The following TMX4 variants were observed in gnomAD, a reference collection of about 807,000 sequenced individuals.
The protein encoded by TMX4 is thioredoxin-related transmembrane protein 4.
Under a neutral mutation model 33.3 loss-of-function variants are expected in TMX4, and 23 were observed. That is an observed-to-expected ratio of 0.69 (90% CI 0.50 to 0.98). The LOEUF is 0.98. TMX4 is among the 50% of genes least tolerant of loss of function. The probability of loss-of-function intolerance (pLI) is 0.00; values close to 1 mark genes in which losing one functional copy is unlikely to be tolerated. For synonymous variants in TMX4, 164 were observed against 161.5 expected, an observed-to-expected ratio of 1.02 and a Z score of -0.12; for missense variants, 399 against 448.9, an observed-to-expected ratio of 0.89 and a Z score of 1.01.
At chr20:7,997,742 T>C (rs76354346) in intron 4 of TMX4, among the ~76,000 whole-genome samples, 2,081 of 152,334 alleles carry the variant, frequency 0.014, 54 homozygotes, top group East Asian at 0.064. Context: ...AAAAGGCACC[T>C]CTCTGCGCAA....
At position 7,993,000 on chromosome 20, in the gene TMX4, G is replaced by A. The variant is rs183340275; in HGVS notation, c.513+3026C>T. On this transcript the variant is annotated intron_variant, in intron 5 of 7. Transcript: ENST00000246024. ...CATTTTCCTATATACACACAAAAAC[G>A]CCATATAAACATCCATTATACTGTT... Among the ~76,000 whole-genome samples, 991 of 152,210 alleles carry A rather than the reference G, an allele frequency of 6.5e-3. 7 individuals are homozygous for A. The highest frequency in any genetic ancestry group is 8.6e-3 in the Non-Finnish European group (582 of 68,000).
rs990818786 is a variant in TMX4, at chr20:7,980,339, G to A, written c.*1912C>T. 1 of 152,174 alleles carries A rather than the reference G, an allele frequency of 6.6e-6. No homozygotes were observed. Among genetic ancestry groups the A allele is most frequent in the Non-Finnish European group, 1.5e-5 (1 of 68,040 alleles). 9.4% of individuals were successfully genotyped at this position (152,174 alleles called of 1,614,324 possible). A position where few individuals can be genotyped will look rare whatever the true frequency, so the allele number is the denominator to read the frequency against. On this transcript the variant is annotated 3_prime_UTR_variant, in exon 8 of 8. Transcript: ENST00000246024. ...TCTGAACCTGAGTTTACTGTTCTTT[G>A]AGAACTCTGTTTCAGCTGATTATAA...
chr20:7,997,227 C>G (rs908924704), intron 4 of TMX4, among the ~76,000 whole-genome samples: 1 of 152,006 alleles, frequency 6.6e-6, no homozygotes, highest in Non-Finnish European at 1.5e-5. Flanking sequence ...TAGGTGTTCC[C>G]CTCACCTCAA....
chr20:7,999,744 G>T lies in TMX4; in HGVS notation c.455C>A (p.Pro152Gln). 2 of 1,610,412 alleles carry T rather than the reference G, an allele frequency of 1.2e-6. No homozygotes were observed. Among genetic ancestry groups the T allele is most frequent in the African/African-American group, 1.3e-5 (1 of 74,770 alleles). ...AAAATTGAGTTACGTTAGAGAAGCC[G>T]GGGATTTCCAGCCAGTCAGAGGCTC... ...SVEPLTGWKS[P>Q]ASLTMSGMAG... Residue 152 changes from proline to glutamine, a missense_variant, in exon 4 of 8, where the codon CCG (proline) becomes CAG (glutamine). Pro to Gln is a moderately conservative substitution (Grantham distance 76). Coordinates refer to ENST00000246024, the MANE Select transcript of TMX4 (RefSeq NM_021156.4).
chr20:8,013,006 T>A (rs934922373), intron 1 of TMX4, among the ~76,000 whole-genome samples: 5 of 152,156 alleles, frequency 3.3e-5, no homozygotes, highest in South Asian at 2.1e-4. Flanking sequence ...GTTTTTAAAG[T>A]TTTTAATATT....
intron 1 of TMX4, among the ~76,000 whole-genome samples, chr20:8,011,660 A>C (rs1456154898): frequency 6.6e-6 from 1 of 152,142 alleles, no homozygotes; most frequent in African/African-American, 2.4e-5. Flanking sequence ...AATTAGGCAG[A>C]ACCCAGAAGA....
At chr20:7,998,541 G>GTGCTGATC (rs2050687231) in intron 4 of TMX4, among the ~76,000 whole-genome samples, 1 of 152,058 alleles carries the variant, frequency 6.6e-6, no homozygotes, top group Admixed American at 6.5e-5. Flanking sequence ...CTCCTTGTGT[G>GTGCTGATC]TGCTGATCAC....
Position 7,978,218 on chromosome 20 carries a change from T to TA in TMX4, c.*4032dup, listed in dbSNP as rs2050588725. On this transcript the variant is annotated 3_prime_UTR_variant, in exon 8 of 8. Transcript: ENST00000246024. ...ATGAGGGACACAGATAACCTATTGA[T>TA]ACGAGCAACAGAACCAGCCTCCCTC... 2.0e-5 allele frequency: 3 copies of TA among 152,352 alleles called. No homozygotes were observed. The highest frequency in any genetic ancestry group is 1.5e-5 in the Non-Finnish European group (1 of 68,030). The allele number at this position is 152,352 out of a possible 1,614,324, so 9.4% of individuals were successfully genotyped here. A position where few individuals can be genotyped will look rare whatever the true frequency, so the allele number is the denominator to read the frequency against.
Position 7,977,907 on chromosome 20 carries a change from T to G in TMX4, c.*4344A>C, listed in dbSNP as rs894746857. On this transcript the variant is annotated 3_prime_UTR_variant, in exon 8 of 8. Transcript: ENST00000246024. The stretch of plus-strand genomic sequence containing the variant: ...AAGGGCATGTCCCGGGCTGAAGCGA[T>G]CAAAGGGCTTTTCAACTGAAGTTCT... 6.6e-6 allele frequency: 1 copy of G among 152,200 alleles called. No homozygotes were observed. Among genetic ancestry groups the G allele is most frequent in the African/African-American group, 2.4e-5 (1 of 41,450 alleles). 9.4% of individuals were successfully genotyped at this position (152,200 alleles called of 1,614,324 possible). A position where few individuals can be genotyped will look rare whatever the true frequency, so the allele number is the denominator to read the frequency against.
rs6140496 is a variant in TMX4, at chr20:8,010,184, G to A, written c.292+16C>T. ...GTCGGTAAACTTTTGCATTTTATGT[G>A]CAACATTCACAGTACCTGGTTCTTG... On this transcript the variant is annotated intron_variant, in intron 2 of 7. Coordinates refer to ENST00000246024, the MANE Select transcript of TMX4 (RefSeq NM_021156.4). 1.9e-6 allele frequency: 3 copies of A among 1,566,854 alleles called. No individual in the cohort carries two copies. Among genetic ancestry groups the A allele is most frequent in the East Asian group, 2.3e-5 (1 of 43,588 alleles).
At chr20:7,992,571 T>C (rs1467348889) in intron 5 of TMX4, among the ~76,000 whole-genome samples, 2 of 152,216 alleles carry the variant, frequency 1.3e-5, no homozygotes, top group Non-Finnish European at 2.9e-5. Context: ...AACAGTTTAC[T>C]CAAGCAAGAA....
intron 5 of TMX4, among the ~76,000 whole-genome samples, chr20:7,995,091 C>T (rs2050670286): frequency 6.6e-6 from 1 of 152,044 alleles, no homozygotes. Context: ...ATAAATGGAA[C>T]TGAGAAAGTG....
At chr20:7,989,583 A>G (rs2050645578) in intron 5 of TMX4, among the ~76,000 whole-genome samples, 1 of 152,178 alleles carries the variant, frequency 6.6e-6, no homozygotes, top group African/African-American at 2.4e-5. Flanking sequence ...AGTTTCTTGG[A>G]GAAACTCTGC....
At chr20:7,987,432 A>C in intron 5 of TMX4, 43 bp from the exon 6 acceptor site, 1 of 1,396,816 alleles carries the variant, frequency 7.2e-7, no homozygotes, top group Non-Finnish European at 9.7e-7. Context: ...TTTTTAAGAG[A>C]ACCAAAAATA....
At chr20:7,989,713 C>T (rs901967140) in intron 5 of TMX4, among the ~76,000 whole-genome samples, 1 of 151,984 alleles carries the variant, frequency 6.6e-6, no homozygotes, top group Non-Finnish European at 1.5e-5. Flanking sequence ...GCTTTAAAGC[C>T]CCTTATGAGT....
intron 2 of TMX4, 118 bp from the exon 3 acceptor site, chr20:8,001,659 AT>A (rs931227721): frequency 1.8e-3 from 1,744 of 985,162 alleles, no homozygotes; most frequent in Middle Eastern, 2.3e-3. Context: ...CACATTTACT[AT>A]TTTTTTTGAC....
chr20:8,011,098 TAA>T lies in TMX4; in HGVS notation c.177-785_177-784del, dbSNP rs1291072883. ...TGCGTCTGTTTAAAATTTTTCATAATAAAGTCTTGAATAAATAGAGAAATATA... is the reference window on the plus strand; with the variant it reads ...TGCGTCTGTTTAAAATTTTTCATAATAGTCTTGAATAAATAGAGAAATATA... On this transcript the variant is annotated intron_variant, in intron 1 of 7. Coordinates refer to ENST00000246024, the MANE Select transcript of TMX4 (RefSeq NM_021156.4). Among the ~76,000 whole-genome samples the T allele has an allele frequency of 5.9e-5, 9 of 152,200 alleles. No individual in the cohort carries two copies. In the East Asian group the frequency reaches 1.7e-3, roughly 29 times the overall value.
rs1395609783 is a variant in TMX4 at position 7,982,434 on chromosome 20, C to T, written c.867G>A (p.Val289=). 3 of 1,614,000 alleles carry T rather than the reference C, an allele frequency of 1.9e-6. No individual in the cohort carries two copies. The highest frequency in any genetic ancestry group is 1.7e-5 in the Admixed American group (1 of 59,996). ...CATTGGCCTCACTTCTCTCCTCATC[C>T]ACACCAGCAGCCAAGTTGTCCTCCT... The part of the protein sequence containing the change: ...EEEEDNLAAG[V]DEERSEANDQ... Residue 289 remains valine (V), a synonymous_variant, in exon 8 of 8, where the codon GTG becomes GTA. Coordinates refer to ENST00000246024, the MANE Select transcript of TMX4 (RefSeq NM_021156.4).
intron 2 of TMX4, among the ~76,000 whole-genome samples, chr20:8,007,548 T>C (rs985552675): frequency 2.0e-5 from 3 of 152,236 alleles, no homozygotes; most frequent in African/African-American, 7.2e-5. Context: ...TCATACTTTG[T>C]AGAAAATCTA....
Sources: allele counts gnomAD v4.1 joint callset (sites outside exome capture counted in the v4.1 genomes callset), GRCh38; gene constraint gnomAD v4.1.1; transcripts MANE v1.5; gene names NCBI Gene and HGNC (gene_info 2026-07-23, HGNC 2026-07-21).